The following FER variants were observed in gnomAD, a reference collection of about 807,000 sequenced individuals.
FER encodes the protein FER tyrosine kinase.
In FER, 63 loss-of-function variants were observed where a neutral mutation model predicts 111.0. The ratio of observed to expected loss-of-function variants is 0.57; its 90% CI spans 0.46 to 0.70. The LOEUF (loss-of-function observed/expected upper bound fraction) is 0.70, where lower values mean the gene tolerates loss of function less well. Among genes scored for constraint, FER ranks in the 30% least tolerant of loss-of-function variants. The pLI is 0.00. For synonymous variants in FER, 327 were observed against 313.9 expected (o/e 1.04, Z -0.44); for missense variants, 914 against 954.0 (o/e 0.96, Z 0.55).
intron 1 of FER, among the ~76,000 whole-genome samples, chr5:108,764,620 C>T (rs1752114117): frequency 1.3e-5 from 2 of 152,196 alleles, no homozygotes; most frequent in Non-Finnish European, 2.9e-5. Context: ...TGATCTTGAA[C>T]TCCTGACCTC....
intron 9 of FER, among the ~76,000 whole-genome samples, chr5:108,889,605 A>T (rs1747710374): frequency 6.6e-6 from 1 of 152,018 alleles, no homozygotes; most frequent in South Asian, 2.1e-4. Context: ...TTGATAGCAC[A>T]ACAGGGTAAC....
In FER at chr5:109,052,090, A is replaced by T. The variant is rs1772921911; in HGVS notation, c.1924+4892A>T. 4.4e-6 allele frequency: 7 copies of T among 1,602,936 alleles called. No individual in the cohort carries two copies. The East Asian group carries it at 1.6e-4, about 36-fold the overall frequency. On this transcript the variant is annotated intron_variant, in intron 16 of 19. Coordinates refer to ENST00000281092, the MANE Select transcript of FER (RefSeq NM_005246.4). The stretch of plus-strand genomic sequence containing the variant: ...CTCAATCTGCTTCAAGTGCATCTCC[A>T]CATTGACACCATCAGTTTGGGCAAC...
intron 17 of FER, among the ~76,000 whole-genome samples, chr5:109,178,606 A>C (rs75874842): frequency 1.1e-4 from 17 of 152,212 alleles, no homozygotes; most frequent in Non-Finnish European, 2.4e-4. Flanking sequence ...TGCCAAAAAA[A>C]TTAGTTGACT....
At chr5:108,919,442 A>C (rs990903920) in intron 10 of FER, among the ~76,000 whole-genome samples, 2 of 152,052 alleles carry the variant, frequency 1.3e-5, no homozygotes, top group African/African-American at 4.8e-5. Flanking sequence ...AAAATTTTAA[A>C]TTTTCCAAAA....
chr5:108,879,097 A>G (rs759354667), intron 8 of FER, among the ~76,000 whole-genome samples: 11 of 152,034 alleles, frequency 7.2e-5, no homozygotes, highest in Non-Finnish European at 1.5e-4. Context: ...TATGCTTGGC[A>G]CTCAAATGTT....
chr5:108,827,140 T>C (rs1454374881), intron 3 of FER, among the ~76,000 whole-genome samples: 1 of 152,148 alleles, frequency 6.6e-6, no homozygotes, highest in Non-Finnish European at 1.5e-5. Context: ...CTTGTAAAAG[T>C]TGGGATTCCA....
intron 17 of FER, among the ~76,000 whole-genome samples, chr5:109,116,511 T>C (rs1209049693): frequency 6.6e-6 from 1 of 152,104 alleles, no homozygotes. Flanking sequence ...AATGTGTATG[T>C]CATCTAAAAT....
At chr5:108,831,958 A>G (rs574624482) in intron 3 of FER, among the ~76,000 whole-genome samples, 12 of 151,740 alleles carry the variant, frequency 7.9e-5, no homozygotes, top group Admixed American at 2.0e-4. Flanking sequence ...AGCGAAGAGG[A>G]TTCCTCTGTT....
intron 13 of FER, among the ~76,000 whole-genome samples, chr5:108,993,100 G>A (rs541039013): frequency 3.3e-5 from 5 of 151,844 alleles, no homozygotes; most frequent in East Asian, 2.0e-4. Context: ...GACGATGGGC[G>A]GCCAAGCAGA....
chr5:108,970,712 G>C (rs1760534191), intron 13 of FER, among the ~76,000 whole-genome samples: 1 of 152,118 alleles, frequency 6.6e-6, no homozygotes, highest in Non-Finnish European at 1.5e-5. Flanking sequence ...ACTTGAAGTA[G>C]GTCTTGAGAA....
chr5:108,997,082 T>A (rs936958065), intron 13 of FER, among the ~76,000 whole-genome samples: 2 of 152,014 alleles, frequency 1.3e-5, no homozygotes, highest in Non-Finnish European at 2.9e-5. Context: ...TGTTTAGGAA[T>A]GCTTGTGAAA....
chr5:108,867,806 C>T lies in FER; in HGVS notation c.521C>T (p.Ala174Val), dbSNP rs1764222752. The T allele has an allele frequency of 2.5e-6, 4 of 1,611,816 alleles. No homozygotes were observed. The highest frequency in any genetic ancestry group is 3.4e-6 in the Non-Finnish European group (4 of 1,179,164). The change falls in exon 6 of 20, where the codon GCC (alanine) becomes GTC (valine). Residue 174 changes from alanine (A) to valine (V), a missense_variant. Physicochemically the swap from Ala to Val is moderately conservative, Grantham distance 64. This residue lies in a region of FER where 774 missense variants were observed against 782.6 expected (regional missense o/e 0.99). Transcript: ENST00000281092. Reference sequence around the variant, plus strand: ...AAGGCCAAGGAACGATACGACAAAGCCACAATGAAACTTCATATGTTGCAC... The same window carrying T: ...AAGGCCAAGGAACGATACGACAAAGTCACAATGAAACTTCATATGTTGCAC... ...TEKAKERYDK[A>V]TMKLHMLHNQ...
At chr5:108,892,007 A>G (rs1182816170) in intron 9 of FER, among the ~76,000 whole-genome samples, 1 of 151,990 alleles carries the variant, frequency 6.6e-6, no homozygotes, top group Admixed American at 6.6e-5. Flanking sequence ...ATCCTTTTTT[A>G]TGGCTGCATA....
At chr5:108,890,476 G>A (rs1001317946) in intron 9 of FER, among the ~76,000 whole-genome samples, 4 of 151,958 alleles carry the variant, frequency 2.6e-5, no homozygotes, top group Non-Finnish European at 5.9e-5. Context: ...CTAGCTTCTG[G>A]TGATGGCTGA....
At chr5:109,045,613 A>C (rs539156800) in intron 15 of FER, among the ~76,000 whole-genome samples, 1 of 152,364 alleles carries the variant, frequency 6.6e-6, no homozygotes, top group Non-Finnish European at 1.5e-5. Flanking sequence ...AGAAGCCAAT[A>C]CTGTGACACC....
chr5:108,824,643 G>A (rs899546744), intron 3 of FER, among the ~76,000 whole-genome samples: 1 of 151,756 alleles, frequency 6.6e-6, no homozygotes, highest in Non-Finnish European at 1.5e-5. Flanking sequence ...TATACTCCTG[G>A]CAGGAAAAGA....
chr5:109,191,487 T>G lies in FER; in HGVS notation c.*3912T>G, dbSNP rs1325419014. 6.6e-6 allele frequency: 1 copy of G among 152,140 alleles called. No homozygotes were observed. Among genetic ancestry groups the G allele is most frequent in the African/African-American group, 2.4e-5 (1 of 41,458 alleles). 9.4% of individuals were successfully genotyped at this position (152,140 alleles called of 1,614,324 possible). ...TGCTGAGTCATCGCAAGACTTGCTT[T>G]TGCATTTAGGAAGCCACACCCTCCC... On this transcript the variant is annotated 3_prime_UTR_variant, in exon 20 of 20. Coordinates refer to ENST00000281092, the MANE Select transcript of FER (RefSeq NM_005246.4).
rs34850507 is a variant in FER at position 108,854,946 on chromosome 5, CAAAAAAAAA to C, written c.482-12803_482-12795del. ...CTGACAGAGCAGCAAGACCCTGTCT[CAAAAAAAAA>C]AAAAAAAAAAAAAAAAAGCGTAGAG... On this transcript the variant is annotated intron_variant, in intron 5 of 19. Coordinates refer to ENST00000281092, the MANE Select transcript of FER (RefSeq NM_005246.4). Among the ~76,000 whole-genome samples the C allele has an allele frequency of 1.4e-4, 5 of 36,662 alleles. No individual in the cohort carries two copies. The East Asian group carries it at 3.9e-3, about 29-fold the overall frequency. The allele number at this position is 36,662 out of a possible 152,430, so 24.1% of individuals were successfully genotyped here. A position where few individuals can be genotyped will look rare whatever the true frequency, so the allele number is the denominator to read the frequency against.
intron 9 of FER, among the ~76,000 whole-genome samples, chr5:108,893,282 G>C (rs1325163384): frequency 6.6e-6 from 1 of 151,574 alleles, no homozygotes; most frequent in Non-Finnish European, 1.5e-5. Context: ...TCACGATATT[G>C]GTTCTTCCTA....
Sources: allele counts gnomAD v4.1 joint callset (sites outside exome capture counted in the v4.1 genomes callset), GRCh38; gene constraint gnomAD v4.1.1; regional missense constraint gnomAD v4.1.1; transcripts MANE v1.5; gene names NCBI Gene and HGNC (gene_info 2026-07-23, HGNC 2026-07-21).